EPHA6: variants seen among roughly 807,000 people sequenced by gnomAD.
EPHA6 encodes EPH receptor A6, also known as ephrin type-A receptor 6.
A neutral mutation model predicts 112.0 loss-of-function variants in EPHA6; 50 were observed. That is an observed-to-expected ratio of 0.45 (90% CI 0.36 to 0.56). The LOEUF (loss-of-function observed/expected upper bound fraction) is 0.56, where lower values mean the gene tolerates loss of function less well. Among genes scored for constraint, EPHA6 ranks in the 20% least tolerant of loss-of-function variants. EPHA6 has a pLI of 0.00. For synonymous variants in EPHA6, 529 were observed against 490.7 expected (o/e 1.08, Z -1.03); for missense variants, 1,280 against 1,417.4 (o/e 0.90, Z 1.56).
chr3:97,737,679 C>G (rs2035326767), intron 16 of EPHA6, among the ~76,000 whole-genome samples: 1 of 151,860 alleles, frequency 6.6e-6, no homozygotes, highest in Non-Finnish European at 1.5e-5. Flanking sequence ...GACATCTAGA[C>G]AGTTATATTT....
At chr3:97,363,213 TATATATATATATATATATATATATA>T (rs2108944291) in intron 5 of EPHA6, among the ~76,000 whole-genome samples, 1 of 69,538 alleles carries the variant, frequency 1.4e-5, no homozygotes, top group South Asian at 3.9e-4. Flanking sequence ...TATATATATA[TATATATATATATATATATATATATA>T]AATCTCAGAT....
intron 14 of EPHA6, among the ~76,000 whole-genome samples, chr3:97,711,061 A>G (rs1443473304): frequency 1.3e-5 from 2 of 152,116 alleles, no homozygotes; most frequent in African/African-American, 2.4e-5. Flanking sequence ...TTGAATTCCC[A>G]CGTGTTGTGG....
rs561849335 is a variant in EPHA6, at chr3:97,283,902, A to C, written c.1606+39615A>C. Among the ~76,000 whole-genome samples, 7 of 152,278 alleles carry C rather than the reference A, an allele frequency of 4.6e-5. No individual in the cohort carries two copies. In the South Asian group the frequency reaches 1.2e-3, roughly 27 times the overall value. On this transcript the variant is annotated intron_variant, in intron 5 of 17. Coordinates refer to ENST00000389672, the MANE Select transcript of EPHA6 (RefSeq NM_001080448.3). ...TCAATTCAGTCAACAAGGGATACAC[A>C]ATAAAGCAATTTTATTTATCTCTGA...
intron 14 of EPHA6, among the ~76,000 whole-genome samples, chr3:97,638,723 T>A (rs1173956753): frequency 6.6e-6 from 1 of 152,162 alleles, no homozygotes; most frequent in African/African-American, 2.4e-5. Flanking sequence ...TTCACTGATC[T>A]CCTTGGTTAT....
At chr3:97,367,281 T>C (rs1283767227) in intron 5 of EPHA6, among the ~76,000 whole-genome samples, 2 of 152,106 alleles carry the variant, frequency 1.3e-5, no homozygotes, top group Admixed American at 1.3e-4. Context: ...TTAAAGTAAA[T>C]AGAGAATAAA....
chr3:97,681,060 A>G (rs2031823069), intron 14 of EPHA6, among the ~76,000 whole-genome samples: 1 of 152,142 alleles, frequency 6.6e-6, no homozygotes, highest in Non-Finnish European at 1.5e-5. Flanking sequence ...AAAAGCAAGT[A>G]GTCAAATAGT....
intron 5 of EPHA6, among the ~76,000 whole-genome samples, chr3:97,268,682 T>C (rs2079778676): frequency 6.6e-6 from 1 of 152,144 alleles, no homozygotes; most frequent in Admixed American, 6.6e-5. Flanking sequence ...AGAAAAATGA[T>C]GTTGGTGATA....
At chr3:97,376,685 A>G (rs1034984429) in intron 5 of EPHA6, among the ~76,000 whole-genome samples, 2 of 152,216 alleles carry the variant, frequency 1.3e-5, no homozygotes, top group Non-Finnish European at 2.9e-5. Flanking sequence ...CTTCAATGAG[A>G]CAGCAAGATT....
At chr3:97,331,259 G>A (rs1232094680) in intron 5 of EPHA6, among the ~76,000 whole-genome samples, 1 of 152,014 alleles carries the variant, frequency 6.6e-6, no homozygotes, top group Non-Finnish European at 1.5e-5. Context: ...GTGTGTAGAG[G>A]GAAATTTATA....
chr3:97,474,492 A>T (rs1256672159), intron 7 of EPHA6, among the ~76,000 whole-genome samples: 1 of 151,940 alleles, frequency 6.6e-6, no homozygotes, highest in African/African-American at 2.4e-5. Context: ...TCATAGTTTT[A>T]TGTGGGCTTG....
At chr3:96,976,991 A>T (rs2042549733) in intron 2 of EPHA6, among the ~76,000 whole-genome samples, 1 of 152,158 alleles carries the variant, frequency 6.6e-6, no homozygotes, top group Admixed American at 6.6e-5. Context: ...AGATGCTCAT[A>T]TATGTGCATA....
intron 5 of EPHA6, among the ~76,000 whole-genome samples, chr3:97,280,346 T>C (rs573796164): frequency 1.2e-4 from 19 of 152,360 alleles, no homozygotes; most frequent in Middle Eastern, 3.4e-3. Context: ...CATACAACAG[T>C]TCCTGGCATG....
intron 5 of EPHA6, among the ~76,000 whole-genome samples, chr3:97,263,507 CA>C (rs944758855): frequency 6.0e-5 from 9 of 150,292 alleles, no homozygotes; most frequent in Non-Finnish European, 1.2e-4. Flanking sequence ...ACACACAATG[CA>C]ACTACTTACT....
chr3:97,519,069 A>G (rs2092495149), intron 10 of EPHA6, among the ~76,000 whole-genome samples: 1 of 152,070 alleles, frequency 6.6e-6, no homozygotes, highest in Admixed American at 6.6e-5. Flanking sequence ...CAAACTTTGC[A>G]TAGCCCGGGA....
chr3:96,970,044 A>G (rs1233278072), intron 2 of EPHA6, among the ~76,000 whole-genome samples: 1 of 152,060 alleles, frequency 6.6e-6, no homozygotes, highest in Non-Finnish European at 1.5e-5. Flanking sequence ...AGTCAGGGCT[A>G]TAGACTTTAT....
chr3:97,023,579 G>C lies in EPHA6; in HGVS notation c.1114+35586G>C, dbSNP rs150916175. Among the ~76,000 whole-genome samples the C allele has an allele frequency of 5.2e-3, 786 of 151,242 alleles. 9 individuals carry two copies. The highest frequency in any genetic ancestry group is 0.018 in the African/African-American group (721 of 41,194). The stretch of plus-strand genomic sequence containing the variant: ...TAGTTATATGTTAGATATAATATTA[G>C]CAAACAAGACTAATATCTATTATCA... On this transcript the variant is annotated intron_variant, in intron 3 of 17. Coordinates refer to ENST00000389672, the MANE Select transcript of EPHA6 (RefSeq NM_001080448.3).
At chr3:96,978,222 G>T (rs2042610104) in intron 2 of EPHA6, among the ~76,000 whole-genome samples, 1 of 152,102 alleles carries the variant, frequency 6.6e-6, no homozygotes, top group Non-Finnish European at 1.5e-5. Flanking sequence ...AATGGAACTG[G>T]ACGATCATGA....
At chr3:97,500,924 A>G (rs1445633345) in intron 10 of EPHA6, among the ~76,000 whole-genome samples, 1 of 152,158 alleles carries the variant, frequency 6.6e-6, no homozygotes, top group African/African-American at 2.4e-5. Context: ...AAAAGTATAC[A>G]ACAAATAGCA....
intron 14 of EPHA6, among the ~76,000 whole-genome samples, chr3:97,667,867 AT>A (rs1449907181): frequency 6.6e-6 from 1 of 152,124 alleles, no homozygotes; most frequent in Non-Finnish European, 1.5e-5. Context: ...TTTGGAAGCT[AT>A]TTCTGTTCAA....
Sources: gnomAD v4.1 joint callset for allele counts (sites outside exome capture counted in the v4.1 genomes callset) on GRCh38, gnomAD v4.1.1 for gene constraint, MANE v1.5 for transcripts, NCBI Gene and HGNC (gene_info 2026-07-23, HGNC 2026-07-21) for gene names.